NFASC: variants seen among roughly 807,000 people sequenced by gnomAD.
The protein encoded by NFASC is neurofascin homolog.
NFASC carries 43 observed loss-of-function variants against 147.5 expected under a neutral mutation model. That is an observed-to-expected ratio of 0.29 (90% CI 0.23 to 0.38). NFASC has a LOEUF of 0.38. Ranked by LOEUF, NFASC falls within the 10% of genes least tolerant of loss-of-function variation. The probability of loss-of-function intolerance (pLI) is 1.00; values close to 1 mark genes in which losing one functional copy is unlikely to be tolerated. For synonymous variants in NFASC, 622 were observed against 665.5 expected (o/e 0.93, Z 1.01); for missense variants, 1,320 against 1,689.0 (o/e 0.78, Z 3.83).
intron 1 of NFASC, among the ~76,000 whole-genome samples, chr1:204,874,732 T>C (rs2078415100): frequency 6.6e-6 from 1 of 152,222 alleles, no homozygotes; most frequent in African/African-American, 2.4e-5. Flanking sequence ...ACACTTTGCA[T>C]GCCTAAAGCA....
At chr1:204,877,064 ATATT>A (rs1403765049) in intron 1 of NFASC, among the ~76,000 whole-genome samples, 4 of 111,894 alleles carry the variant, frequency 3.6e-5, no homozygotes, top group South Asian at 2.4e-4. Flanking sequence ...ATTTATTTAT[ATATT>A]TATATATATA....
chr1:204,954,060 T>C lies in NFASC; in HGVS notation c.216-128T>C. The C allele has an allele frequency of 1.3e-6, 1 of 756,028 alleles. No homozygotes were observed. Among genetic ancestry groups the C allele is most frequent in the Non-Finnish European group, 2.2e-6 (1 of 447,990 alleles). The allele number at this position is 756,028 out of a possible 1,614,324, so 46.8% of individuals were successfully genotyped here. On this transcript the variant is annotated intron_variant, in intron 5 of 29. Transcript: ENST00000339876. The surrounding 1 kb of genome is among the most constrained non-coding windows in gnomAD (Gnocchi z 5.7). ...TCAGCCAGGCTGAGACCTGTTGGTA[T>C]GGGGTGCCACGATGGGACTGAGAGA...
chr1:204,967,309 C>G (rs1322022173), intron 8 of NFASC, among the ~76,000 whole-genome samples: 1 of 152,146 alleles, frequency 6.6e-6, no homozygotes, highest in African/African-American at 2.4e-5. Context: ...TCCATCTTAC[C>G]CATTCCCCTA....
Position 204,968,913 on chromosome 1 carries a change from G to C in NFASC, c.934G>C (p.Gly312Arg), listed in dbSNP as rs746297720. 2 of 1,613,978 alleles carry C rather than the reference G, an allele frequency of 1.2e-6. No individual in the cohort carries two copies. The highest frequency in any genetic ancestry group is 1.7e-6 in the Non-Finnish European group (2 of 1,179,974). The stretch of plus-strand genomic sequence containing the variant: ...CACAAATGTCTCTGAGGAAGACTCC[G>C]GGGAGTATTTCTGCCTGGCCTCCAA... ...RITNVSEEDS[G>R]EYFCLASNKM... The change falls in exon 10 of 30, where the codon GGG (glycine) becomes CGG (arginine). Residue 312 changes from glycine (G) to arginine (R), a missense_variant. Physicochemically the swap from Gly to Arg is moderately radical, Grantham distance 125 (BLOSUM62 -2). Coordinates refer to ENST00000339876, the MANE Select transcript of NFASC (RefSeq NM_001005388.3). This position sits in a 1 kb window ranked among gnomAD's most constrained non-coding sequence, Gnocchi z 5.4.
intron 24 of NFASC, among the ~76,000 whole-genome samples, chr1:204,995,017 G>A (rs947152215): frequency 6.6e-6 from 1 of 152,148 alleles, no homozygotes; most frequent in Admixed American, 6.5e-5. Context: ...CTACTCAGGA[G>A]GCTGAGGTGG....
At chr1:204,863,772 C>T (rs896991286) in intron 1 of NFASC, among the ~76,000 whole-genome samples, 1 of 150,514 alleles carries the variant, frequency 6.6e-6, no homozygotes, top group African/African-American at 2.4e-5. Context: ...TGCTTGAACC[C>T]AGGGGGCAGA....
intron 2 of NFASC, among the ~76,000 whole-genome samples, chr1:204,929,202 G>C (rs1254964490): frequency 1.3e-5 from 2 of 149,702 alleles, no homozygotes; most frequent in Non-Finnish European, 2.9e-5. Context: ...GGCAGGGAAA[G>C]ACAGGCTAGG....
At chr1:205,011,749 A>T (rs2096257074) in intron 28 of NFASC, among the ~76,000 whole-genome samples, 1 of 152,176 alleles carries the variant, frequency 6.6e-6, no homozygotes, top group Non-Finnish European at 1.5e-5. Context: ...GGTTTCCCTC[A>T]TCTAAAATGG....
rs550606633 is a variant in NFASC at position 204,893,955 on chromosome 1, C to T, written c.-199-26677C>T. Among the ~76,000 whole-genome samples, 8 of 152,336 alleles carry T rather than the reference C, an allele frequency of 5.3e-5. No individual in the cohort carries two copies. The South Asian group carries it at 1.4e-3, about 28-fold the overall frequency. Reference sequence around the variant, plus strand: ...GGCTGAAGGAAAAGGACATTAATGACCTCTCATAACAAGTAGTCTGGATGT... The same window carrying T: ...GGCTGAAGGAAAAGGACATTAATGATCTCTCATAACAAGTAGTCTGGATGT... On this transcript the variant is annotated intron_variant, in intron 1 of 29. Coordinates refer to ENST00000339876, the MANE Select transcript of NFASC (RefSeq NM_001005388.3).
chr1:204,870,730 G>T, intron 1 of NFASC: 1 of 1,148,744 alleles, frequency 8.7e-7, no homozygotes, highest in Non-Finnish European at 1.1e-6. Context: ...CAAGTGTATT[G>T]TGTGGCGTTC....
intron 3 of NFASC, chr1:204,947,288 G>A (rs2093810824): frequency 1.7e-5 from 3 of 176,444 alleles, no homozygotes; most frequent in Admixed American, 1.7e-4. Flanking sequence ...GCTGTCCTCA[G>A]CAGGTCTCTC....
At chr1:204,885,580 G>T (rs1412097085) in intron 1 of NFASC, among the ~76,000 whole-genome samples, 1 of 152,200 alleles carries the variant, frequency 6.6e-6, no homozygotes, top group Non-Finnish European at 1.5e-5. Context: ...ACATTCAAAA[G>T]AGTCTTTTGT....
chr1:204,931,499 T>C (rs978542581), intron 2 of NFASC, among the ~76,000 whole-genome samples: 1 of 152,242 alleles, frequency 6.6e-6, no homozygotes, highest in African/African-American at 2.4e-5. Context: ...GTGGCAGTGA[T>C]GTGTGAATGT....
At chr1:204,852,042 G>A (rs185803073) in intron 1 of NFASC, among the ~76,000 whole-genome samples, 1 of 152,328 alleles carries the variant, frequency 6.6e-6, no homozygotes, top group African/African-American at 2.4e-5. Flanking sequence ...GTTAGAAACA[G>A]GATTAGACAC....
chr1:204,872,726 C>T (rs536999130), intron 1 of NFASC, among the ~76,000 whole-genome samples: 41 of 152,286 alleles, frequency 2.7e-4, no homozygotes, highest in Admixed American at 5.9e-4. Context: ...GGCTGATGTG[C>T]TCAGGGTGCA....
chr1:204,877,155 A>AATAGATT (rs1392209909), intron 1 of NFASC, among the ~76,000 whole-genome samples: 3 of 145,662 alleles, frequency 2.1e-5, no homozygotes, highest in Non-Finnish European at 4.5e-5. Context: ...ATATATATTT[A>AATAGATT]ATAGATTATA....
At chr1:204,970,787 C>A (rs1448921972) in intron 11 of NFASC, 40 bp downstream of exon 11, 1 of 1,613,434 alleles carries the variant, frequency 6.2e-7, no homozygotes, top group Non-Finnish European at 8.5e-7. Flanking sequence ...TCTCATCTCT[C>A]TGCTGTCAAA....
intron 21 of NFASC, among the ~76,000 whole-genome samples, chr1:204,982,976 A>C (rs1406378468): frequency 6.6e-6 from 1 of 152,264 alleles, no homozygotes; most frequent in Non-Finnish European, 1.5e-5. Flanking sequence ...GATTGGACTC[A>C]CAAGGGAGAT....
In NFASC at chr1:204,978,998, T is replaced by G; in HGVS notation, c.1907T>G (p.Leu636Arg). ...CCAGACCGGCCCCGGGACCTGGAGC[T>G]GACCGACCTGGCCGAGAGGAGCGTG... is the stretch of plus-strand genomic sequence containing the variant. ...GRPDRPRDLE[L>R]TDLAERSVRL... Residue 636 changes from leucine to arginine, a missense_variant, in exon 18 of 30, where the codon CTG becomes CGG. Physicochemically the swap from Leu to Arg is moderately radical, Grantham distance 102 (BLOSUM62 -2). Around this residue, in one of 3 missense-constraint regions of NFASC, gnomAD observed 981 missense variants for 1,289.5 expected, o/e 0.76. Coordinates refer to ENST00000339876, the MANE Select transcript of NFASC (RefSeq NM_001005388.3). 6.4e-7 allele frequency: 1 copy of G among 1,561,902 alleles called. No homozygotes were observed. The highest frequency in any genetic ancestry group is 8.7e-7 in the Non-Finnish European group (1 of 1,152,146).
Sources: gnomAD v4.1 joint callset for allele counts (sites outside exome capture counted in the v4.1 genomes callset) on GRCh38, gnomAD v4.1.1 for gene constraint, gnomAD v4.1.1 regional missense constraint, Gnocchi (gnomAD v3.1) non-coding constraint, MANE v1.5 for transcripts, NCBI Gene and HGNC (gene_info 2026-07-23, HGNC 2026-07-21) for gene names.